The following DGKB variants were observed in gnomAD, a reference collection of about 807,000 sequenced individuals.
DGKB encodes the protein 90 kDa diacylglycerol kinase.
DGKB carries 67 observed loss-of-function variants against 114.3 expected under a neutral mutation model. The observed-to-expected ratio is 0.59, with a 90% CI of 0.48 to 0.72. DGKB has a LOEUF of 0.72. Among genes scored for constraint, DGKB ranks in the 30% least tolerant of loss-of-function variants. The probability of loss-of-function intolerance (pLI) is 0.00; values close to 1 mark genes in which losing one functional copy is unlikely to be tolerated. For synonymous variants in DGKB, 398 were observed against 323.1 expected (o/e 1.23, Z -2.49); for missense variants, 907 against 975.2 (o/e 0.93, Z 0.93).
chr7:14,632,874 G>T (rs1412908906), intron 13 of DGKB, among the ~76,000 whole-genome samples: 3 of 151,862 alleles, frequency 2.0e-5, no homozygotes, highest in Non-Finnish European at 2.9e-5. Context: ...CTTATTGACA[G>T]GCATCGCACT....
intron 23 of DGKB, among the ~76,000 whole-genome samples, chr7:14,296,258 C>T (rs566233387): frequency 4.6e-5 from 7 of 152,042 alleles, no homozygotes; most frequent in Non-Finnish European, 8.8e-5. Context: ...TCTCAATCTC[C>T]TGACCTTGTG....
intron 20 of DGKB, among the ~76,000 whole-genome samples, chr7:14,509,541 C>T (rs1787651413): frequency 6.6e-6 from 1 of 152,192 alleles, no homozygotes; most frequent in Non-Finnish European, 1.5e-5. Flanking sequence ...CAAGGAAATT[C>T]ACAGAAACCG....
intron 13 of DGKB, among the ~76,000 whole-genome samples, chr7:14,669,606 A>T (rs1818615337): frequency 6.6e-6 from 1 of 152,150 alleles, no homozygotes; most frequent in Non-Finnish European, 1.5e-5. Context: ...CAAAACCAGT[A>T]CTTATTTATT....
At chr7:14,878,882 T>TTTCTTTC (rs1228431924) in intron 1 of DGKB, among the ~76,000 whole-genome samples, 7 of 152,126 alleles carry the variant, frequency 4.6e-5, no homozygotes, top group African/African-American at 1.7e-4. Flanking sequence ...AAATCTTGCA[T>TTTCTTTC]ATGTTTTAGC....
At chr7:14,916,877 G>A (rs1784264088) in intron 1 of DGKB, among the ~76,000 whole-genome samples, 2 of 151,960 alleles carry the variant, frequency 1.3e-5, no homozygotes, top group Non-Finnish European at 2.9e-5. Flanking sequence ...CACCAAGATA[G>A]ACCACATTCT....
intron 2 of DGKB, among the ~76,000 whole-genome samples, chr7:14,805,664 A>G (rs1842707969): frequency 6.6e-6 from 1 of 151,966 alleles, no homozygotes; most frequent in African/African-American, 2.4e-5. Context: ...CTTAATCTTT[A>G]GAGAATTTTT....
chr7:14,289,104 G>A (rs918280084), intron 23 of DGKB, among the ~76,000 whole-genome samples: 1 of 151,892 alleles, frequency 6.6e-6, no homozygotes, highest in Non-Finnish European at 1.5e-5. Context: ...ATTATAGAAT[G>A]AGGCTTTAAA....
At position 14,718,507 on chromosome 7, in the gene DGKB, A is replaced by G. The variant is rs766487557; in HGVS notation, c.466+35T>C. ...TATCCAGTCCTTTCTCCTGCCCCCA[A>G]TCACGATAAGTAAACAAAATGAAGA... On this transcript the variant is annotated intron_variant, in intron 6 of 25. Coordinates refer to ENST00000402815, the MANE Select transcript of DGKB (RefSeq NM_001350709.2). 1.1e-5 allele frequency: 17 copies of G among 1,580,986 alleles called. No individual in the cohort carries two copies. In the South Asian group the frequency reaches 1.2e-4, roughly 11 times the overall value.
In DGKB at chr7:14,857,863, T is replaced by C. The variant is rs149242781; in HGVS notation, c.-187-16413A>G. The stretch of plus-strand genomic sequence containing the variant: ...TCAATACATATTTTATAATTTATTA[T>C]ACACTTTTTTCATACCACATTCAGT... On this transcript the variant is annotated intron_variant, in intron 1 of 25. Transcript: ENST00000402815. Among the ~76,000 whole-genome samples, 302 of 152,270 alleles carry C rather than the reference T, an allele frequency of 2.0e-3. 2 individuals are homozygous for C. Among genetic ancestry groups the C allele is most frequent in the Non-Finnish European group, 3.2e-3 (220 of 68,004 alleles).
At chr7:14,570,303 T>C (rs1798186770) in intron 20 of DGKB, among the ~76,000 whole-genome samples, 1 of 152,060 alleles carries the variant, frequency 6.6e-6, no homozygotes, top group Non-Finnish European at 1.5e-5. Flanking sequence ...TGCCATTTTC[T>C]GTCTCATTTC....
At chr7:14,473,621 T>C (rs1781743108) in intron 21 of DGKB, among the ~76,000 whole-genome samples, 1 of 151,932 alleles carries the variant, frequency 6.6e-6, no homozygotes. Flanking sequence ...ACCATGTACC[T>C]GGAGAAGCCC....
At chr7:14,745,635 C>G (rs141494758) in intron 4 of DGKB, among the ~76,000 whole-genome samples, 157 of 152,248 alleles carry the variant, frequency 1.0e-3, no homozygotes, top group African/African-American at 3.5e-3. Flanking sequence ...TTGGGCAGAG[C>G]CACCAAAAAT....
At chr7:14,373,358 C>T (rs2128659303) in intron 21 of DGKB, among the ~76,000 whole-genome samples, 1 of 152,244 alleles carries the variant, frequency 6.6e-6, no homozygotes, top group African/African-American at 2.4e-5. Context: ...AAAGGAACCA[C>T]ATTTTTGTTT....
intron 20 of DGKB, among the ~76,000 whole-genome samples, chr7:14,525,845 A>G (rs1774478636): frequency 6.7e-6 from 1 of 148,498 alleles, no homozygotes; most frequent in South Asian, 2.2e-4. Flanking sequence ...TCATCATTAC[A>G]TTGGACCCAC....
intron 1 of DGKB, among the ~76,000 whole-genome samples, chr7:14,929,170 T>C (rs1269049321): frequency 6.6e-6 from 1 of 152,100 alleles, no homozygotes; most frequent in Non-Finnish European, 1.5e-5. Flanking sequence ...GCTTTGCTCT[T>C]GTGAATAATG....
chr7:14,737,457 T>C (rs1831901479), intron 4 of DGKB, among the ~76,000 whole-genome samples: 1 of 152,002 alleles, frequency 6.6e-6, no homozygotes, highest in Non-Finnish European at 1.5e-5. Context: ...GGGAAAGACA[T>C]GGAGATTGAC....
intron 20 of DGKB, among the ~76,000 whole-genome samples, chr7:14,570,705 T>C (rs1416820589): frequency 2.6e-5 from 4 of 152,034 alleles, no homozygotes; most frequent in Non-Finnish European, 4.4e-5. Flanking sequence ...CATCTTCAGA[T>C]TGAGTAAGTT....
intron 21 of DGKB, among the ~76,000 whole-genome samples, chr7:14,455,411 T>A (rs1832133523): frequency 6.6e-6 from 1 of 152,038 alleles, no homozygotes; most frequent in Non-Finnish European, 1.5e-5. Flanking sequence ...TTTTTGCATA[T>A]TATCAACAAA....
At chr7:14,607,887 G>A (rs1804816442) in intron 16 of DGKB, among the ~76,000 whole-genome samples, 1 of 151,730 alleles carries the variant, frequency 6.6e-6, no homozygotes, top group South Asian at 2.1e-4. Context: ...TCTTCTCTCA[G>A]TAAATCCTTG....
Sources: allele counts gnomAD v4.1 joint callset (sites outside exome capture counted in the v4.1 genomes callset), GRCh38; gene constraint gnomAD v4.1.1; transcripts MANE v1.5; gene names NCBI Gene and HGNC (gene_info 2026-07-23, HGNC 2026-07-21).